Variants in PCSK5 observed in about 807,000 individuals in gnomAD.
PCSK5 encodes prohormone convertase 5.
PCSK5 carries 129 observed loss-of-function variants against 233.2 expected under a neutral mutation model. The observed-to-expected ratio is 0.55, with a 90% CI of 0.48 to 0.64. The LOEUF (loss-of-function observed/expected upper bound fraction) is 0.64, where lower values mean the gene tolerates loss of function less well. Among genes scored for constraint, PCSK5 ranks in the 30% least tolerant of loss-of-function variants. The pLI is 0.00. For missense variants in PCSK5, 2,076 were observed against 2,430.1 expected (o/e 0.85, Z 3.06); for synonymous variants, 825 against 879.2 (o/e 0.94, Z 1.09).
intron 5 of PCSK5, among the ~76,000 whole-genome samples, chr9:76,046,246 C>T (rs1389033668): frequency 4.5e-5 from 6 of 134,126 alleles, no homozygotes; most frequent in African/African-American, 8.3e-5. Flanking sequence ...GGTGCAATCC[C>T]GGCTCACTGC....
chr9:75,982,711 C>T (rs1826331882), intron 2 of PCSK5, among the ~76,000 whole-genome samples: 1 of 146,874 alleles, frequency 6.8e-6, no homozygotes, highest in South Asian at 2.1e-4. Flanking sequence ...AAGAGCTATA[C>T]ACTTTTGCCC....
At chr9:76,143,499 G>A (rs1054604104) in intron 10 of PCSK5, among the ~76,000 whole-genome samples, 14 of 152,106 alleles carry the variant, frequency 9.2e-5, no homozygotes, top group African/African-American at 2.4e-4. Flanking sequence ...CTGATGGTGC[G>A]AATCCATTGT....
intron 5 of PCSK5, among the ~76,000 whole-genome samples, chr9:76,065,067 A>G (rs931236547): frequency 6.6e-6 from 1 of 152,206 alleles, no homozygotes; most frequent in Admixed American, 6.5e-5. Flanking sequence ...GTTGATGGAC[A>G]CTTATCTTGG....
chr9:76,122,013 C>T (rs544420850), intron 9 of PCSK5, among the ~76,000 whole-genome samples: 1 of 107,348 alleles, frequency 9.3e-6, no homozygotes, highest in African/African-American at 3.1e-5. Context: ...TTAGTAGAGA[C>T]GGGGTTTCAC....
intron 13 of PCSK5, among the ~76,000 whole-genome samples, chr9:76,172,108 T>C (rs1823356384): frequency 6.6e-6 from 1 of 152,192 alleles, no homozygotes; most frequent in Non-Finnish European, 1.5e-5. Flanking sequence ...TCCCCTAATA[T>C]AGAACTTCCT....
In PCSK5 at chr9:76,169,634, G is replaced by C. The variant is rs780256463; in HGVS notation, c.1620-70G>C. The C allele has an allele frequency of 4.1e-6, 6 of 1,478,930 alleles. 1 individual carries two copies. In the Admixed American group the frequency reaches 1.0e-4, roughly 25 times the overall value. The allele number at this position is 1,478,930 out of a possible 1,614,324, so 91.6% of individuals were successfully genotyped here. A position where few individuals can be genotyped will look rare whatever the true frequency, so the allele number is the denominator to read the frequency against. ...GCTAATGGATACAAAAAACAGTGTC[G>C]ATTGTGGTATTAACTAGACCCTCAT... On this transcript the variant is annotated intron_variant, in intron 12 of 37. Transcript: ENST00000674117.
At chr9:75,915,956 A>C (rs1454421832) in intron 1 of PCSK5, among the ~76,000 whole-genome samples, 1 of 152,230 alleles carries the variant, frequency 6.6e-6, no homozygotes, top group East Asian at 1.9e-4. Flanking sequence ...TTGTGGATAC[A>C]AACATTTACT....
chr9:76,174,548 G>A (rs1431229388), intron 13 of PCSK5, among the ~76,000 whole-genome samples: 1 of 151,960 alleles, frequency 6.6e-6, no homozygotes, highest in African/African-American at 2.4e-5. Context: ...CTGACCTCGT[G>A]ATCCACCAGT....
intron 28 of PCSK5, among the ~76,000 whole-genome samples, chr9:76,307,861 G>A (rs1057119607): frequency 2.0e-5 from 3 of 152,118 alleles, no homozygotes; most frequent in East Asian, 1.9e-4. Context: ...GTTCCTCCAC[G>A]AGAGGTACAA....
At chr9:76,216,557 T>C (rs1825540283) in intron 20 of PCSK5, among the ~76,000 whole-genome samples, 1 of 152,064 alleles carries the variant, frequency 6.6e-6, no homozygotes, top group South Asian at 2.1e-4. Flanking sequence ...TATTAAGCAA[T>C]AGAGGAAGAG....
chr9:76,064,093 C>G (rs1225107640), intron 5 of PCSK5, among the ~76,000 whole-genome samples: 1 of 119,100 alleles, frequency 8.4e-6, no homozygotes, highest in Non-Finnish European at 1.7e-5. Flanking sequence ...TGGGCAGAGG[C>G]GCCCCTCACC....
At chr9:76,259,899 T>A (rs1234141115) in intron 24 of PCSK5, among the ~76,000 whole-genome samples, 1 of 152,180 alleles carries the variant, frequency 6.6e-6, no homozygotes, top group Non-Finnish European at 1.5e-5. Flanking sequence ...GGGACTGGAC[T>A]GGACCAGTGG....
At chr9:76,356,405 C>T (rs1830304777) in intron 37 of PCSK5, among the ~76,000 whole-genome samples, 2 of 152,218 alleles carry the variant, frequency 1.3e-5, no homozygotes, top group South Asian at 4.1e-4. Context: ...CTAACCCTGA[C>T]TCTGCAGACC....
chr9:76,350,833 G>A lies in PCSK5; in HGVS notation c.4972G>A (p.Gly1658Arg), dbSNP rs1480153690. The A allele has an allele frequency of 6.3e-7, 1 of 1,582,776 alleles. No homozygotes were observed. Among genetic ancestry groups the A allele is most frequent in the African/African-American group, 1.3e-5 (1 of 74,240 alleles). Residue 1658 changes from glycine to arginine, a missense_variant, in exon 36 of 38, where the codon GGA becomes AGA. Gly to Arg is a moderately radical substitution (Grantham distance 125). This residue lies in a region of PCSK5 where 1,510 missense variants were observed against 1,538.1 expected (regional missense o/e 0.98). Transcript: ENST00000674117. ...TAGAATGTTTTCTCTTTCAGGAAAA[G>A]GAGCGTTGAATTGTTTATCCTGTGT... ...HPTCDQCKGK[G>R]ALNCLSCVWS...
intron 20 of PCSK5, among the ~76,000 whole-genome samples, chr9:76,224,851 A>G (rs1825837993): frequency 6.6e-6 from 1 of 152,232 alleles, no homozygotes; most frequent in South Asian, 2.1e-4. Flanking sequence ...TTTCACAGTT[A>G]TATCTTAATA....
At chr9:76,074,454 T>C (rs1830576843) in intron 7 of PCSK5, among the ~76,000 whole-genome samples, 2 of 152,226 alleles carry the variant, frequency 1.3e-5, no homozygotes, top group Non-Finnish European at 2.9e-5. Context: ...GTTTTTTGGC[T>C]CATAGCATTG....
At chr9:76,238,885 T>C in intron 22 of PCSK5, 74 bp from the exon 23 acceptor site, 2 of 1,084,210 alleles carry the variant, frequency 1.8e-6, no homozygotes, top group South Asian at 1.4e-5. Context: ...TAAAATATAA[T>C]ATCTTACATT....
chr9:76,030,328 A>G (rs2131503372), intron 5 of PCSK5, among the ~76,000 whole-genome samples: 1 of 152,258 alleles, frequency 6.6e-6, no homozygotes, highest in East Asian at 1.9e-4. Flanking sequence ...CTTGCATTCA[A>G]GAGCACCTGT....
At chr9:75,973,303 G>C (rs1825879736) in intron 2 of PCSK5, among the ~76,000 whole-genome samples, 1 of 152,074 alleles carries the variant, frequency 6.6e-6, no homozygotes, top group Non-Finnish European at 1.5e-5. Context: ...AACTTCATTG[G>C]TCTGTCATAA....
Sources: allele counts gnomAD v4.1 joint callset (sites outside exome capture counted in the v4.1 genomes callset), GRCh38; gene constraint gnomAD v4.1.1; regional missense constraint gnomAD v4.1.1; transcripts MANE v1.5; gene names NCBI Gene and HGNC (gene_info 2026-07-23, HGNC 2026-07-21).